Variants in ARHGEF4 observed in about 807,000 individuals in gnomAD.
ARHGEF4 encodes APC-stimulated guanine nucleotide exchange factor 1.
Under a neutral mutation model 162.0 loss-of-function variants are expected in ARHGEF4, and 119 were observed. That is an observed-to-expected ratio of 0.73 (90% confidence interval 0.63 to 0.86). ARHGEF4 has a LOEUF of 0.86. ARHGEF4 is among the 40% of genes least tolerant of loss of function. The pLI is 0.00. For missense variants in ARHGEF4, 2,488 were observed against 2,456.0 expected (o/e 1.01, Z -0.28); for synonymous variants, 1,014 against 979.9 (o/e 1.03, Z -0.65).
intron 4 of ARHGEF4, among the ~76,000 whole-genome samples, chr2:130,975,967 G>C (rs564176518): frequency 5.3e-4 from 80 of 152,262 alleles, no homozygotes; most frequent in African/African-American, 1.8e-3. Flanking sequence ...AGAAAGATGG[G>C]GGCTCCCGGA....
chr2:130,991,429 T>C (rs764153178), intron 4 of ARHGEF4, among the ~76,000 whole-genome samples: 1 of 152,204 alleles, frequency 6.6e-6, no homozygotes, highest in Non-Finnish European at 1.5e-5. Flanking sequence ...CTCCCTCAGC[T>C]TGCAGGGAGG....
At chr2:130,864,402 G>T (rs986177925) in intron 1 of ARHGEF4, among the ~76,000 whole-genome samples, 6 of 152,074 alleles carry the variant, frequency 3.9e-5, no homozygotes, top group African/African-American at 1.4e-4. Context: ...GTGAAGTGTT[G>T]AAGGGGAGTG....
rs1041825927 is a variant in ARHGEF4, at chr2:131,034,837, A to T, written c.4126-4016A>T. 1.6e-5 allele frequency: 4 copies of T among 256,836 alleles called. No homozygotes were observed. In the South Asian group the frequency reaches 5.2e-4, roughly 33 times the overall value. The allele number at this position is 256,836 out of a possible 1,614,324, so 15.9% of individuals were successfully genotyped here. A position where few individuals can be genotyped will look rare whatever the true frequency, so the allele number is the denominator to read the frequency against. On this transcript the variant is annotated intron_variant, in intron 5 of 13. Coordinates refer to ENST00000409359, the MANE Select transcript of ARHGEF4 (RefSeq NM_001367493.1). ...AGGTGCCAAGGGCGCAGCGCAGCGC[A>T]CGCCCGAGCCGCCGCGGTCCCTCTG...
chr2:131,039,762 C>G (rs909763650), intron 6 of ARHGEF4: 1 of 1,374,474 alleles, frequency 7.3e-7, no homozygotes, highest in Admixed American at 3.4e-5. Context: ...GTGCCGGGCA[C>G]AAGCAGGGTC....
intron 4 of ARHGEF4, among the ~76,000 whole-genome samples, chr2:131,000,039 C>CT (rs1170721996): frequency 6.6e-6 from 1 of 152,228 alleles, no homozygotes; most frequent in Non-Finnish European, 1.5e-5. Context: ...CATATTTATT[C>CT]TGTTACAGCA....
intron 4 of ARHGEF4, among the ~76,000 whole-genome samples, chr2:131,020,304 A>G (rs373936036): frequency 0.06 from 8,856 of 147,406 alleles, 370 homozygotes; most frequent in South Asian, 0.18. Context: ...TCTTCATTTA[A>G]CATTAGGTAT....
intron 3 of ARHGEF4, among the ~76,000 whole-genome samples, chr2:130,939,623 A>C (rs1318273144): frequency 6.6e-6 from 1 of 152,206 alleles, no homozygotes; most frequent in Non-Finnish European, 1.5e-5. Flanking sequence ...CTTGTCTACA[A>C]ATGCTTTGCT....
At chr2:130,952,944 T>C (rs1684044241) in intron 4 of ARHGEF4, among the ~76,000 whole-genome samples, 1 of 152,114 alleles carries the variant, frequency 6.6e-6, no homozygotes, top group Non-Finnish European at 1.5e-5. Context: ...TGCTCATGGA[T>C]AGGAAGAATC....
chr2:130,953,713 A>G (rs1239131465), intron 4 of ARHGEF4, among the ~76,000 whole-genome samples: 3 of 152,242 alleles, frequency 2.0e-5, no homozygotes, highest in Non-Finnish European at 4.4e-5. Context: ...TTTACAAGAA[A>G]AAAACAACCC....
chr2:130,926,766 A>T (rs1234889126), intron 2 of ARHGEF4, among the ~76,000 whole-genome samples: 1 of 135,042 alleles, frequency 7.4e-6, no homozygotes, highest in African/African-American at 2.6e-5. Flanking sequence ...ACAGTCAAAG[A>T]CAGGTTTATT....
Position 130,917,156 on chromosome 2 carries a change from G to T in ARHGEF4, c.3210G>T (p.Leu1070=). ...AGCAGGCTGGAATCGCACACACCCT[G>T]CCTTCCAGCTCTGCCTGCTGCCTGG... The part of the protein sequence containing the change: ...RAQQAGIAHT[L]PSSSACCLAY... The change falls in exon 2 of 14, where the codon CTG becomes CTT. Residue 1070 remains leucine, a synonymous_variant. Coordinates refer to ENST00000409359, the MANE Select transcript of ARHGEF4 (RefSeq NM_001367493.1). The T allele has an allele frequency of 6.4e-7, 1 of 1,550,486 alleles. No individual in the cohort carries two copies. The highest frequency in any genetic ancestry group is 8.7e-7 in the Non-Finnish European group (1 of 1,146,992).
Position 130,919,601 on chromosome 2 carries a change from C to T in ARHGEF4, c.3552+2103C>T, listed in dbSNP as rs1029886704. On this transcript the variant is annotated intron_variant, in intron 2 of 13. Coordinates refer to ENST00000409359, the MANE Select transcript of ARHGEF4 (RefSeq NM_001367493.1). ...TGATTTAATAGTGATATAGGCCATG[C>T]GTGGTGGTTCACACCTGTAATCCCA... Among the ~76,000 whole-genome samples the T allele has an allele frequency of 2.0e-5, 3 of 152,282 alleles. 1 individual carries two copies. The highest frequency in any genetic ancestry group is 2.4e-5 in the African/African-American group (1 of 41,564).
chr2:130,924,080 A>G (rs1487355871), intron 2 of ARHGEF4, among the ~76,000 whole-genome samples: 1 of 150,774 alleles, frequency 6.6e-6, no homozygotes, highest in Non-Finnish European at 1.5e-5. Flanking sequence ...ACGGGGTTTC[A>G]CCGTGTTAGC....
At chr2:130,875,880 T>C (rs1220283822) in intron 1 of ARHGEF4, among the ~76,000 whole-genome samples, 1 of 152,218 alleles carries the variant, frequency 6.6e-6, no homozygotes, top group East Asian at 1.9e-4. Context: ...TGTCTCCATA[T>C]GGAAGCCAGT....
chr2:131,038,917 A>G lies in ARHGEF4; in HGVS notation c.4190A>G (p.Gln1397Arg). ...TGGGACCATGTCACCATGGACGACC[A>G]GGAGCTGGGCTTCAAAGCTGGGGAC... ...ALWDHVTMDD[Q>R]ELGFKAGDVI... Residue 1397 changes from glutamine (Q) to arginine (R), a missense_variant, in exon 6 of 14, where the codon CAG (glutamine) becomes CGG (arginine). Gln to Arg is a conservative substitution (Grantham distance 43, BLOSUM62 1). Coordinates refer to ENST00000409359, the MANE Select transcript of ARHGEF4 (RefSeq NM_001367493.1). 1.2e-6 allele frequency: 2 copies of G among 1,613,708 alleles called. No individual in the cohort carries two copies. The highest frequency in any genetic ancestry group is 2.2e-5 in the East Asian group (1 of 44,884).
chr2:130,869,892 G>T (rs1251370907), intron 1 of ARHGEF4, among the ~76,000 whole-genome samples: 2 of 152,218 alleles, frequency 1.3e-5, no homozygotes, highest in Non-Finnish European at 2.9e-5. Context: ...CTGTTTCTTG[G>T]ACCCTCACTG....
rs540229117 is a variant in ARHGEF4, at chr2:130,964,246, G to A, written c.3985+17611G>A. 4,654 of 985,722 alleles carry A rather than the reference G, an allele frequency of 4.7e-3. 13 individuals carry two copies. Among genetic ancestry groups the A allele is most frequent in the Admixed American group, 8.2e-3 (134 of 16,288 alleles). The allele number at this position is 985,722 out of a possible 1,614,324, so 61.1% of individuals were successfully genotyped here. A position where few individuals can be genotyped will look rare whatever the true frequency, so the allele number is the denominator to read the frequency against. On this transcript the variant is annotated intron_variant, in intron 4 of 13. Transcript: ENST00000409359. ...CCTGGAGAGCCTGCGCTCGGCCACC[G>A]CCGGTAAGGACGCCGCCATCCCCGC...
At chr2:131,008,316 A>G (rs1426199456) in intron 4 of ARHGEF4, among the ~76,000 whole-genome samples, 1 of 152,236 alleles carries the variant, frequency 6.6e-6, no homozygotes, top group Non-Finnish European at 1.5e-5. Flanking sequence ...CCCTAAAAAT[A>G]GAACAATTGG....
rs909596269 is a variant in ARHGEF4 at position 130,916,435 on chromosome 2, A to T, written c.2489A>T (p.Glu830Val). 8 of 1,538,460 alleles carry T rather than the reference A, an allele frequency of 5.2e-6. No homozygotes were observed. Among genetic ancestry groups the T allele is most frequent in the Non-Finnish European group, 6.1e-6 (7 of 1,144,722 alleles). ...CGCCGCTGGGGCTCTTCAGGCCCCG[A>T]GGGGCTCCCCAGGGAGAATCCGCCC... The part of the protein sequence containing the change: ...EGRRWGSSGP[E>V]GLPRENPPAA... Residue 830 changes from glutamate (E) to valine (V), a missense_variant, in exon 2 of 14, where the codon GAG becomes GTG. Physicochemically the swap from Glu to Val is moderately radical, Grantham distance 121. This residue lies in a region of ARHGEF4 where 1,642 missense variants were observed against 1,481.5 expected (regional missense o/e 1.11). Transcript: ENST00000409359.
Sources: gnomAD v4.1 joint callset for allele counts (sites outside exome capture counted in the v4.1 genomes callset) on GRCh38, gnomAD v4.1.1 for gene constraint, gnomAD v4.1.1 regional missense constraint, MANE v1.5 for transcripts, NCBI Gene and HGNC (gene_info 2026-07-23, HGNC 2026-07-21) for gene names.